The following BTRC variants were observed in gnomAD, a reference collection of about 807,000 sequenced individuals.
BTRC encodes the protein beta-transducin repeat containing E3 ubiquitin protein ligase.
A neutral mutation model predicts 85.5 loss-of-function variants in BTRC; 42 were observed. That is an observed-to-expected ratio of 0.49 (90% CI 0.38 to 0.64). The LOEUF (loss-of-function observed/expected upper bound fraction) is 0.64. Ranked by LOEUF, BTRC falls within the 30% of genes least tolerant of loss-of-function variation. The pLI is 0.00. For synonymous variants in BTRC, 255 were observed against 263.3 expected (o/e 0.97, Z 0.30); for missense variants, 594 against 743.5 (o/e 0.80, Z 2.34).
At chr10:101,496,008 ATT>A (rs71016326) in intron 4 of BTRC, among the ~76,000 whole-genome samples, 153 of 148,722 alleles carry the variant, frequency 1.0e-3, no homozygotes, top group East Asian at 6.9e-3. Context: ...ATCATATAGT[ATT>A]TTTTTTTTTT....
At position 101,534,547 on chromosome 10, in the gene BTRC, C is replaced by T. The variant is rs11592910; in HGVS notation, c.1098-114C>T. 2,422 of 1,362,192 alleles carry T rather than the reference C, an allele frequency of 1.8e-3. 8 individuals carry two copies. Among genetic ancestry groups the T allele is most frequent in the Non-Finnish European group, 2.3e-3 (2,301 of 982,264 alleles). The allele number at this position is 1,362,192 out of a possible 1,614,324, so 84.4% of individuals were successfully genotyped here. ...GCATCCCATCCCCTTCCTTCTCCCACTCTCCCAGTCTGGCCCTCTCTCTAA... is the reference window on the plus strand; with the variant it reads ...GCATCCCATCCCCTTCCTTCTCCCATTCTCCCAGTCTGGCCCTCTCTCTAA... On this transcript the variant is annotated intron_variant, in intron 9 of 14. Coordinates refer to ENST00000370187, the MANE Select transcript of BTRC (RefSeq NM_033637.4).
intron 4 of BTRC, among the ~76,000 whole-genome samples, chr10:101,484,380 C>T (rs1267667598): frequency 2.6e-5 from 4 of 152,350 alleles, no homozygotes; most frequent in Admixed American, 6.5e-5. Flanking sequence ...TCCCTTTTCT[C>T]ATAACTGATT....
intron 1 of BTRC, among the ~76,000 whole-genome samples, chr10:101,370,258 A>G (rs889249581): frequency 2.0e-5 from 3 of 151,728 alleles, no homozygotes; most frequent in African/African-American, 7.3e-5. Flanking sequence ...AGCATCTGGG[A>G]CTACAGGTGC....
intron 1 of BTRC, among the ~76,000 whole-genome samples, chr10:101,373,866 C>T (rs34027047): frequency 0.14 from 20,834 of 150,578 alleles, 1,774 homozygotes; most frequent in Middle Eastern, 0.25. Flanking sequence ...TGCAATGAGC[C>T]GAGATCGTGC....
chr10:101,442,889 C>CTTTTTTTTT (rs755689728), intron 2 of BTRC, among the ~76,000 whole-genome samples: 2 of 122,378 alleles, frequency 1.6e-5, no homozygotes, highest in Admixed American at 8.6e-5. Flanking sequence ...CTCACTTGCT[C>CTTTTTTTTT]TTTTTTTTTT....
Position 101,550,847 on chromosome 10 carries a change from A to G in BTRC, c.1805A>G (p.Tyr602Cys), listed in dbSNP as rs781381945. The G allele has an allele frequency of 1.2e-4, 194 of 1,613,536 alleles. No homozygotes were observed. Among genetic ancestry groups the G allele is most frequent in the Non-Finnish European group, 1.6e-4 (189 of 1,179,710 alleles). The change falls in exon 14 of 15, where the codon TAC (tyrosine) becomes TGC (cysteine). Residue 602 changes from tyrosine to cysteine, a missense_variant. By Grantham distance (194) the Tyr-to-Cys change is radical. Transcript: ENST00000370187. ...PPRSPSRTYTYISR is the reference protein window; with the variant it reads ...PPRSPSRTYTCISR Reference sequence around the variant, plus strand: ...CGTTCCCCTTCTCGAACATACACCTACATCTCCAGATAAATAACCATACAC... The same window carrying G: ...CGTTCCCCTTCTCGAACATACACCTGCATCTCCAGATAAATAACCATACAC...
At chr10:101,404,543 G>C (rs999530894) in intron 1 of BTRC, among the ~76,000 whole-genome samples, 5 of 152,182 alleles carry the variant, frequency 3.3e-5, no homozygotes, top group Non-Finnish European at 7.3e-5. Context: ...ATTCAACCCA[G>C]TTGGCTTCAG....
chr10:101,499,372 C>T (rs902467182), intron 4 of BTRC, among the ~76,000 whole-genome samples: 4 of 152,076 alleles, frequency 2.6e-5, no homozygotes, highest in Non-Finnish European at 5.9e-5. Flanking sequence ...TATAGGCATG[C>T]ACCACCATGC....
chr10:101,516,936 A>T (rs1285168633), intron 4 of BTRC, among the ~76,000 whole-genome samples: 3 of 152,188 alleles, frequency 2.0e-5, no homozygotes, highest in African/African-American at 7.2e-5. Context: ...GCATTTTAAA[A>T]GGCAAATATA....
intron 1 of BTRC, among the ~76,000 whole-genome samples, chr10:101,421,382 G>T (rs1944095085): frequency 6.6e-6 from 1 of 152,014 alleles, no homozygotes; most frequent in Non-Finnish European, 1.5e-5. Context: ...ATTCTAGATA[G>T]TCAGAATATC....
intron 1 of BTRC, among the ~76,000 whole-genome samples, chr10:101,426,837 G>T (rs879293787): frequency 6.6e-6 from 1 of 152,158 alleles, no homozygotes. Context: ...TGCCATGCAG[G>T]TGGCTTTAGT....
intron 1 of BTRC, among the ~76,000 whole-genome samples, chr10:101,392,040 C>T (rs987977032): frequency 2.6e-5 from 4 of 152,062 alleles, no homozygotes; most frequent in Non-Finnish European, 4.4e-5. Flanking sequence ...AGTGCAGTGC[C>T]GCTATCTCAG....
At chr10:101,444,463 A>G (rs759146562) in intron 2 of BTRC, among the ~76,000 whole-genome samples, 11 of 152,200 alleles carry the variant, frequency 7.2e-5, no homozygotes, top group Non-Finnish European at 1.3e-4. Context: ...AGCTCTTGAT[A>G]TAAAAATTCA....
intron 1 of BTRC, among the ~76,000 whole-genome samples, chr10:101,371,590 C>G (rs540865318): frequency 6.6e-6 from 1 of 152,316 alleles, no homozygotes; most frequent in East Asian, 1.9e-4. Context: ...CAGGTTTCAT[C>G]CATGTTCTTC....
At chr10:101,412,290 C>G (rs1356420076) in intron 1 of BTRC, among the ~76,000 whole-genome samples, 1 of 152,186 alleles carries the variant, frequency 6.6e-6, no homozygotes, top group African/African-American at 2.4e-5. Flanking sequence ...TTTGTTTCCT[C>G]AAGTAAGTGG....
At chr10:101,429,693 C>G (rs531118648) in intron 1 of BTRC, among the ~76,000 whole-genome samples, 2 of 149,236 alleles carry the variant, frequency 1.3e-5, no homozygotes, top group Non-Finnish European at 3.0e-5. Flanking sequence ...GCCTTATACC[C>G]CCCACCCCCC....
intron 13 of BTRC, 24 bp from the exon 14 acceptor site, chr10:101,550,675 C>T (rs1383693511): frequency 3.1e-6 from 5 of 1,604,194 alleles, no homozygotes; most frequent in Middle Eastern, 1.7e-4. Flanking sequence ...CAAGTTCCTA[C>T]CCTTTTTGTT....
At chr10:101,360,563 G>T (rs1308752875) in intron 1 of BTRC, among the ~76,000 whole-genome samples, 1 of 151,378 alleles carries the variant, frequency 6.6e-6, no homozygotes, top group Non-Finnish European at 1.5e-5. Context: ...TGTAGACGGG[G>T]TTTCACCATG....
intron 1 of BTRC, among the ~76,000 whole-genome samples, chr10:101,389,117 GTGTT>G (rs1182550673): frequency 0.011 from 608 of 52,934 alleles, 61 homozygotes; most frequent in Middle Eastern, 0.03. Flanking sequence ...TTTTTTGTGT[GTGTT>G]TTTTTTTTTT....
Sources: allele counts gnomAD v4.1 joint callset (sites outside exome capture counted in the v4.1 genomes callset), GRCh38; gene constraint gnomAD v4.1.1; transcripts MANE v1.5; gene names NCBI Gene and HGNC (gene_info 2026-07-23, HGNC 2026-07-21).